PIEZO2: variants seen among roughly 807,000 people sequenced by gnomAD.
The protein encoded by PIEZO2 is piezo-type mechanosensitive ion channel component 2.
Under a neutral mutation model 337.3 loss-of-function variants are expected in PIEZO2, and 172 were observed. The observed-to-expected ratio is 0.51, with a 90% CI of 0.45 to 0.58. The LOEUF is 0.58. Ranked by LOEUF, PIEZO2 falls within the 20% of genes least tolerant of loss-of-function variation. The probability of loss-of-function intolerance (pLI) is 0.00; values close to 1 mark genes in which losing one functional copy is unlikely to be tolerated. For missense variants in PIEZO2, 3,028 were observed against 3,391.3 expected (o/e 0.89, Z 2.66); for synonymous variants, 1,251 against 1,228.5 (o/e 1.02, Z -0.38).
Position 10,759,447 on chromosome 18 carries a change from C to G in PIEZO2, c.3757+35G>C. ...CAATGATTAACAGTAAACCCGGATA[C>G]CAGCACTCTGTGGCCCTGCAGTGGA... On this transcript the variant is annotated intron_variant, in intron 26 of 55. Coordinates refer to ENST00000674853, the MANE Select transcript of PIEZO2 (RefSeq NM_001378183.1). This position sits in a 1 kb window ranked among gnomAD's most constrained non-coding sequence, Gnocchi z 5.5. 6.7e-7 allele frequency: 1 copy of G among 1,496,180 alleles called. No individual in the cohort carries two copies. Among genetic ancestry groups the G allele is most frequent in the Non-Finnish European group, 9.0e-7 (1 of 1,110,858 alleles). The allele number at this position is 1,496,180 out of a possible 1,614,324, so 92.7% of individuals were successfully genotyped here.
In PIEZO2 at chr18:10,982,728, A is replaced by T. The variant is rs1006200167; in HGVS notation, c.161-3068T>A. ...ATGTTATAAAACCATATGTTTATTT[A>T]TTTTTTTTTTGAGACAGGGTCTCAC... On this transcript the variant is annotated intron_variant, in intron 2 of 55. Transcript: ENST00000674853. This position sits in a 1 kb window ranked among gnomAD's most constrained non-coding sequence, Gnocchi z 4.1. 1.3e-4 allele frequency among the ~76,000 whole-genome samples: 20 copies of T among 149,750 alleles called. No homozygotes were observed. The highest frequency in any genetic ancestry group is 2.2e-4 in the African/African-American group (9 of 40,902).
Position 11,112,515 on chromosome 18 carries a change from G to A in PIEZO2, c.64+36010C>T, listed in dbSNP as rs2146151555. 1.3e-5 allele frequency among the ~76,000 whole-genome samples: 2 copies of A among 152,284 alleles called. No homozygotes were observed. Among genetic ancestry groups the A allele is most frequent in the Middle Eastern group, 3.4e-3 (1 of 294 alleles). ...CAAGTCTCCAAATTTTACACTGACT[G>A]ATGAGTCTTCTGTACATCAACAAAG... On this transcript the variant is annotated intron_variant, in intron 1 of 55. Coordinates refer to ENST00000674853, the MANE Select transcript of PIEZO2 (RefSeq NM_001378183.1). This position sits in a 1 kb window ranked among gnomAD's most constrained non-coding sequence, Gnocchi z 4.3.
chr18:10,729,540 C>A (rs975644061), intron 36 of PIEZO2, among the ~76,000 whole-genome samples: 2 of 149,178 alleles, frequency 1.3e-5, no homozygotes, highest in Non-Finnish European at 1.5e-5. Flanking sequence ...ACGAGAATCG[C>A]TTGAACCCGG....
Position 10,871,399 on chromosome 18 carries a change from C to T in PIEZO2, c.346G>A (p.Ala116Thr). The change falls in exon 5 of 56, where the codon GCT becomes ACT. Residue 116 changes from alanine to threonine, a missense_variant. Transcript: ENST00000674853. ...IGFESLKGADAGNGIRVFVPD... is the reference protein window; with the variant it reads ...IGFESLKGADTGNGIRVFVPD... ...ACAAACACTCTGATCCCATTGCCAG[C>T]ATCAGCTCCCTTTAAGCTATAAAGG... 1 of 1,536,652 alleles carries T rather than the reference C, an allele frequency of 6.5e-7. No homozygotes were observed. The highest frequency in any genetic ancestry group is 1.7e-4 in the Middle Eastern group (1 of 5,982).
intron 2 of PIEZO2, among the ~76,000 whole-genome samples, chr18:11,006,638 T>C (rs1050316781): frequency 6.6e-6 from 1 of 152,080 alleles, no homozygotes; most frequent in Non-Finnish European, 1.5e-5. Flanking sequence ...AGGCTACAAA[T>C]CCCTCCTTCC....
At position 10,855,535 on chromosome 18, in the gene PIEZO2, C is replaced by A. The variant is rs760877925; in HGVS notation, c.735G>T (p.Val245=). Residue 245 remains valine (V), a synonymous_variant, in exon 7 of 56, where the codon GTG becomes GTT. Coordinates refer to ENST00000674853, the MANE Select transcript of PIEZO2 (RefSeq NM_001378183.1). The surrounding 1 kb of genome is among the most constrained non-coding windows in gnomAD (Gnocchi z 4.9). ...GMMLPSLTSS[V]YFFVFLGLCT... ...ACAGACCCAAAAATACAAAAAAATA[C>A]ACAGATGATGTCAAAGACGGCAACA... 9.8e-5 allele frequency: 150 copies of A among 1,536,738 alleles called. No homozygotes were observed. Among genetic ancestry groups the A allele is most frequent in the Non-Finnish European group, 1.2e-4 (141 of 1,146,866 alleles).
rs778243014 is a variant in PIEZO2 at position 10,910,174 on chromosome 18, C to CT, written c.329+1011dup. ...TGACAGTAAAATGAAATTAAAATGA[C>CT]TTTTTTTCTTTCAATAGCTATATTT... On this transcript the variant is annotated intron_variant, in intron 4 of 55. Transcript: ENST00000674853. Among the ~76,000 whole-genome samples, 120 of 152,156 alleles carry CT rather than the reference C, an allele frequency of 7.9e-4. 1 individual carries two copies. The highest frequency in any genetic ancestry group is 1.3e-3 in the Non-Finnish European group (89 of 68,016).
intron 1 of PIEZO2, among the ~76,000 whole-genome samples, chr18:11,071,581 C>T (rs986940964): frequency 3.9e-5 from 6 of 152,150 alleles, no homozygotes; most frequent in Admixed American, 6.5e-5. Flanking sequence ...GCTATGTCCA[C>T]AAGAAGTCCA....
rs751683822 is a variant in PIEZO2 at position 10,696,056 on chromosome 18, G to C, written c.7190+18C>G. 3.1e-6 allele frequency: 5 copies of C among 1,603,866 alleles called. 1 individual carries two copies. The highest frequency in any genetic ancestry group is 4.5e-5 in the East Asian group (2 of 44,834). On this transcript the variant is annotated intron_variant, in intron 47 of 55. Transcript: ENST00000674853. ...TGCATGGAGGCAGGTTGGTGCCTCTGGCTTCTGAAGACCTTACCTCTCAGT... is the reference window on the plus strand; with the variant it reads ...TGCATGGAGGCAGGTTGGTGCCTCTCGCTTCTGAAGACCTTACCTCTCAGT...
intron 27 of PIEZO2, among the ~76,000 whole-genome samples, 179 bp downstream of exon 27, chr18:10,757,790 G>A (rs188116718): frequency 5.6e-4 from 85 of 152,156 alleles, no homozygotes; most frequent in Admixed American, 1.0e-3. Flanking sequence ...CAGGTGCAGT[G>A]CTATAATTCA....
intron 23 of PIEZO2, 75 bp downstream of exon 23, chr18:10,762,425 G>A: frequency 6.8e-7 from 1 of 1,474,816 alleles, no homozygotes; most frequent in Non-Finnish European, 9.0e-7. Flanking sequence ...GTGATGTTAA[G>A]CGTCTCATGG....
intron 39 of PIEZO2, among the ~76,000 whole-genome samples, chr18:10,712,967 G>T (rs1411389474): frequency 2.0e-5 from 3 of 151,952 alleles, no homozygotes; most frequent in Non-Finnish European, 4.4e-5. Flanking sequence ...AATAAGCAAA[G>T]ATTATTAACC....
rs533117852 is a variant in PIEZO2, at chr18:10,713,201, T to C, written c.5423+1563A>G. ...TACTAAATATATGTATATATTTTACTGTGTATATATATCACAAAGATCTTT... is the reference window on the plus strand; with the variant it reads ...TACTAAATATATGTATATATTTTACCGTGTATATATATCACAAAGATCTTT... On this transcript the variant is annotated intron_variant, in intron 39 of 55. Transcript: ENST00000674853. The surrounding 1 kb of genome is among the most constrained non-coding windows in gnomAD (Gnocchi z 4.5). Among the ~76,000 whole-genome samples the C allele has an allele frequency of 1.3e-5, 2 of 152,312 alleles. No homozygotes were observed. Among genetic ancestry groups the C allele is most frequent in the South Asian group, 4.1e-4 (2 of 4,828 alleles).
rs1478399171 is a variant in PIEZO2 at position 11,027,496 on chromosome 18, A to T, written c.160+38631T>A. Among the ~76,000 whole-genome samples, 1 of 152,244 alleles carries T rather than the reference A, an allele frequency of 6.6e-6. No homozygotes were observed. The highest frequency in any genetic ancestry group is 1.5e-5 in the Non-Finnish European group (1 of 68,032). On this transcript the variant is annotated intron_variant, in intron 2 of 55. Transcript: ENST00000674853. This position sits in a 1 kb window ranked among gnomAD's most constrained non-coding sequence, Gnocchi z 4.2. ...TATAATCATTTAAAATTTAATTTTC[A>T]AGATGATATAGGTTTTGCATGAGAG...
chr18:10,811,876 C>G (rs962041778), intron 7 of PIEZO2, among the ~76,000 whole-genome samples: 2 of 152,180 alleles, frequency 1.3e-5, no homozygotes, highest in African/African-American at 4.8e-5. Context: ...CTCTGTCGCC[C>G]AGGCTGGAGT....
At chr18:10,702,350 A>C (rs2035378245) in intron 42 of PIEZO2, among the ~76,000 whole-genome samples, 179 bp from the exon 43 acceptor site, 1 of 152,216 alleles carries the variant, frequency 6.6e-6, no homozygotes, top group Non-Finnish European at 1.5e-5. Context: ...TATTGACTTC[A>C]TAACAGAAGC....
Position 10,750,316 on chromosome 18 carries a change from A to G in PIEZO2, c.4168-129T>C, listed in dbSNP as rs113547048. On this transcript the variant is annotated intron_variant, in intron 28 of 55. Coordinates refer to ENST00000674853, the MANE Select transcript of PIEZO2 (RefSeq NM_001378183.1). The surrounding 1 kb of genome is among the most constrained non-coding windows in gnomAD (Gnocchi z 4.1). ...AAGGATTCCAGGAGATGCCAATTGT[A>G]CCTAAAAATTCAGTCACCTTGTGGT... The G allele has an allele frequency of 4.5e-6, 3 of 666,412 alleles. No individual in the cohort carries two copies. In the African/African-American group the frequency reaches 5.4e-5, roughly 12 times the overall value. 41.3% of individuals were successfully genotyped at this position (666,412 alleles called of 1,614,324 possible).
At chr18:10,808,165 T>G (rs1287531754) in intron 7 of PIEZO2, among the ~76,000 whole-genome samples, 1 of 152,216 alleles carries the variant, frequency 6.6e-6, no homozygotes, top group African/African-American at 2.4e-5. Flanking sequence ...CACAGCCCAC[T>G]GCAGCCTTGA....
chr18:10,941,915 T>G (rs1158295857), intron 3 of PIEZO2, among the ~76,000 whole-genome samples: 1 of 152,104 alleles, frequency 6.6e-6, no homozygotes, highest in African/African-American at 2.4e-5. Context: ...GACTGAATCA[T>G]GGGGGGTGGG....
Sources: gnomAD v4.1 joint callset for allele counts (sites outside exome capture counted in the v4.1 genomes callset) on GRCh38, gnomAD v4.1.1 for gene constraint, Gnocchi (gnomAD v3.1) non-coding constraint, MANE v1.5 for transcripts, NCBI Gene and HGNC (gene_info 2026-07-23, HGNC 2026-07-21) for gene names.